BMP2K: variants seen among roughly 807,000 people sequenced by gnomAD.
BMP2K encodes BMP2 inducible kinase.
A neutral mutation model predicts 116.0 loss-of-function variants in BMP2K; 74 were observed. The observed-to-expected ratio is 0.64, with a 90% CI of 0.53 to 0.77. The LOEUF (loss-of-function observed/expected upper bound fraction) is 0.77. Among genes scored for constraint, BMP2K ranks in the 30% least tolerant of loss-of-function variants. BMP2K has a pLI of 0.00. For synonymous variants in BMP2K, 486 were observed against 502.5 expected, an observed-to-expected ratio of 0.97 and a Z score of 0.44; for missense variants, 1,365 against 1,403.6, an observed-to-expected ratio of 0.97 and a Z score of 0.44.
At chr4:78,903,094 GGTATT>G (rs150095379) in intron 15 of BMP2K, among the ~76,000 whole-genome samples, 17 of 151,842 alleles carry the variant, frequency 1.1e-4, no homozygotes, top group East Asian at 1.9e-4. Context: ...TTCCCACCAA[GGTATT>G]GTATTGTATT....
At chr4:78,845,448 T>C (rs1320642641) in intron 5 of BMP2K, among the ~76,000 whole-genome samples, 1 of 151,696 alleles carries the variant, frequency 6.6e-6, no homozygotes, top group Non-Finnish European at 1.5e-5. Flanking sequence ...ATTAAAAGGA[T>C]TGACTTTTTA....
At chr4:78,891,727 T>C (rs781703084) in intron 15 of BMP2K, among the ~76,000 whole-genome samples, 16 of 152,208 alleles carry the variant, frequency 1.1e-4, no homozygotes, top group Non-Finnish European at 1.9e-4. Context: ...TCTCTTTTCT[T>C]TATCTTTCAC....
chr4:78,859,553 A>G (rs183417166), intron 7 of BMP2K, 31 bp from the exon 8 acceptor site: 68 of 1,475,614 alleles, frequency 4.6e-5, no homozygotes, highest in Non-Finnish European at 5.9e-5. Context: ...TGTTTCATAA[A>G]ACTTCTTAAC....
Position 78,915,113 on chromosome 4 carries a change from A to G in BMP2K, c.*3080A>G, listed in dbSNP as rs1734931572. ...TAACTGACTAGAACATTTATTCAGG[A>G]GTGTAATTATTTTCCCTTACCCCAA... On this transcript the variant is annotated 3_prime_UTR_variant, in exon 16 of 16. Transcript: ENST00000502613. 1 of 152,026 alleles carries G rather than the reference A, an allele frequency of 6.6e-6. No individual in the cohort carries two copies. Among genetic ancestry groups the G allele is most frequent in the African/African-American group, 2.4e-5 (1 of 41,428 alleles). 9.4% of individuals were successfully genotyped at this position (152,026 alleles called of 1,614,324 possible). A position where few individuals can be genotyped will look rare whatever the true frequency, so the allele number is the denominator to read the frequency against.
intron 8 of BMP2K, among the ~76,000 whole-genome samples, chr4:78,860,327 A>C (rs1476890967): frequency 6.6e-6 from 1 of 151,844 alleles, no homozygotes; most frequent in Non-Finnish European, 1.5e-5. Context: ...ATCCCCTAAA[A>C]CTACAAAAAA....
chr4:78,871,208 G>A (rs943641834), intron 11 of BMP2K, 148 bp downstream of exon 11: 49 of 1,408,880 alleles, frequency 3.5e-5, no homozygotes, highest in Non-Finnish European at 4.2e-5. Context: ...GAAAGAATAC[G>A]TATTTAATTT....
intron 15 of BMP2K, among the ~76,000 whole-genome samples, chr4:78,893,693 G>T (rs1321311121): frequency 6.6e-6 from 1 of 152,178 alleles, no homozygotes; most frequent in African/African-American, 2.4e-5. Context: ...ATCCCATGTA[G>T]CTGGGACTAT....
At chr4:78,791,179 C>T (rs1727979547) in intron 1 of BMP2K, among the ~76,000 whole-genome samples, 1 of 152,038 alleles carries the variant, frequency 6.6e-6, no homozygotes, top group Non-Finnish European at 1.5e-5. Context: ...CTACTCTTTC[C>T]TTCCTTCATT....
intron 1 of BMP2K, among the ~76,000 whole-genome samples, chr4:78,805,713 G>A (rs1315486436): frequency 1.3e-5 from 2 of 152,186 alleles, no homozygotes; most frequent in Non-Finnish European, 2.9e-5. Flanking sequence ...GCTCACACCT[G>A]TAACCCCAGC....
intron 1 of BMP2K, among the ~76,000 whole-genome samples, chr4:78,799,959 G>A (rs188283779): frequency 6.6e-6 from 1 of 152,228 alleles, no homozygotes; most frequent in Admixed American, 6.5e-5. Context: ...TATTAAGTGC[G>A]GGGAATAGTG....
rs189122724 is a variant in BMP2K, at chr4:78,830,042, T to A, written c.298-3540T>A. Among the ~76,000 whole-genome samples the A allele has an allele frequency of 7.4e-3, 1,130 of 151,832 alleles. 16 individuals are homozygous for A. The highest frequency in any genetic ancestry group is 0.026 in the African/African-American group (1,086 of 41,402). ...GGCAGGTGCCACCATACCTGGCTAA[T>A]TTTTTTGTATTTTTAGTAGAGTCGG... On this transcript the variant is annotated intron_variant, in intron 2 of 15. Coordinates refer to ENST00000502613, the MANE Select transcript of BMP2K (RefSeq NM_198892.2).
intron 1 of BMP2K, among the ~76,000 whole-genome samples, chr4:78,814,373 A>G (rs1028179754): frequency 6.6e-6 from 1 of 152,100 alleles, no homozygotes; most frequent in Admixed American, 6.5e-5. Flanking sequence ...TTTTTAAAAC[A>G]TTAGCCTGTT....
chr4:78,819,825 A>G (rs1390017394), intron 1 of BMP2K, among the ~76,000 whole-genome samples: 1 of 152,200 alleles, frequency 6.6e-6, no homozygotes, highest in African/African-American at 2.4e-5. Flanking sequence ...TATGCATACA[A>G]GTGCTTATTG....
At chr4:78,813,188 T>C (rs1324475062) in intron 1 of BMP2K, among the ~76,000 whole-genome samples, 1 of 152,234 alleles carries the variant, frequency 6.6e-6, no homozygotes, top group Non-Finnish European at 1.5e-5. Flanking sequence ...TAAACTGTTT[T>C]TCTCTCATAT....
chr4:78,842,857 T>G (rs1255886055), intron 4 of BMP2K, among the ~76,000 whole-genome samples: 1 of 152,082 alleles, frequency 6.6e-6, no homozygotes, highest in African/African-American at 2.4e-5. Flanking sequence ...CTATTGTCTC[T>G]CAGTTCAGCC....
In BMP2K at chr4:78,865,559, T is replaced by C. The variant is rs1439538337; in HGVS notation, c.1070T>C (p.Ile357Thr). Reference sequence around the variant, plus strand: ...TGAAATATATTCTTCTGTTGTAGAATAACAGATACCATTGGACCAACAGAA... The same window carrying C: ...TGAAATATATTCTTCTGTTGTAGAACAACAGATACCATTGGACCAACAGAA... ...AARKSQIKAR[I>T]TDTIGPTETS... The change falls in exon 10 of 16, where the codon ATA (isoleucine) becomes ACA (threonine). Residue 357 changes from isoleucine to threonine, a missense_variant and splice_region_variant. Around this residue, in one of 3 missense-constraint regions of BMP2K, gnomAD observed 762 missense variants for 756.7 expected, o/e 1.01. Coordinates refer to ENST00000502613, the MANE Select transcript of BMP2K (RefSeq NM_198892.2). 6.2e-7 allele frequency: 1 copy of C among 1,613,114 alleles called. No individual in the cohort carries two copies. The highest frequency in any genetic ancestry group is 2.2e-5 in the East Asian group (1 of 44,868).
chr4:78,832,958 G>C (rs1730281460), intron 2 of BMP2K, among the ~76,000 whole-genome samples: 1 of 151,852 alleles, frequency 6.6e-6, no homozygotes, highest in South Asian at 2.1e-4. Context: ...TTTCCCAGTA[G>C]AACAGAGTAG....
chr4:78,822,981 A>G (rs1729693816), intron 1 of BMP2K, among the ~76,000 whole-genome samples: 1 of 152,188 alleles, frequency 6.6e-6, no homozygotes, highest in Non-Finnish European at 1.5e-5. Flanking sequence ...AACAGAAATA[A>G]TATTAGCTTA....
chr4:78,913,908 T>C lies in BMP2K; in HGVS notation c.*1875T>C, dbSNP rs1052926480. ...GGCAAATATGTTTGCACCTTTTTTT[T>C]TTTTTCTGATTCTCAGGTTGATTAA... On this transcript the variant is annotated 3_prime_UTR_variant, in exon 16 of 16. Transcript: ENST00000502613. 8.5e-5 allele frequency: 13 copies of C among 152,052 alleles called. No individual in the cohort carries two copies. The highest frequency in any genetic ancestry group is 3.1e-4 in the African/African-American group (13 of 41,420). The allele number at this position is 152,052 out of a possible 1,614,324, so 9.4% of individuals were successfully genotyped here.
Sources: allele counts gnomAD v4.1 joint callset (sites outside exome capture counted in the v4.1 genomes callset), GRCh38; gene constraint gnomAD v4.1.1; regional missense constraint gnomAD v4.1.1; transcripts MANE v1.5; gene names NCBI Gene and HGNC (gene_info 2026-07-23, HGNC 2026-07-21).